The following NRG1 variants were observed in gnomAD, a reference collection of about 807,000 sequenced individuals.
NRG1 encodes pro-neuregulin-1, membrane-bound isoform.
A neutral mutation model predicts 63.8 loss-of-function variants in NRG1; 18 were observed. The observed-to-expected ratio is 0.28, with a 90% CI of 0.19 to 0.42. NRG1 has a LOEUF of 0.42. Ranked by LOEUF, NRG1 falls within the 10% of genes least tolerant of loss-of-function variation. The probability of loss-of-function intolerance (pLI) is 1.00; values close to 1 mark genes in which losing one functional copy is unlikely to be tolerated. For synonymous variants in NRG1, 302 were observed against 301.3 expected (o/e 1.00, Z -0.02); for missense variants, 762 against 814.7 (o/e 0.94, Z 0.79).
At chr8:31,740,657 A>G (rs1815172095) in intron 1 of NRG1, among the ~76,000 whole-genome samples, 1 of 150,996 alleles carries the variant, frequency 6.6e-6, no homozygotes, top group South Asian at 2.1e-4. Context: ...GTGTGTATGT[A>G]CCTGTGTGAG....
At chr8:31,749,824 G>T (rs529144905) in intron 1 of NRG1, among the ~76,000 whole-genome samples, 1 of 151,350 alleles carries the variant, frequency 6.6e-6, no homozygotes, top group African/African-American at 2.4e-5. Context: ...GCAAATTAAG[G>T]CTTGTTTATA....
At chr8:31,846,020 C>A (rs1172097420) in intron 1 of NRG1, among the ~76,000 whole-genome samples, 1 of 152,012 alleles carries the variant, frequency 6.6e-6, no homozygotes, top group African/African-American at 2.4e-5. Flanking sequence ...GCAGAGAGTT[C>A]CAAAGACATC....
intron 1 of NRG1, among the ~76,000 whole-genome samples, chr8:32,462,717 C>T (rs546913043): frequency 6.0e-4 from 90 of 151,186 alleles, no homozygotes; most frequent in African/African-American, 2.1e-3. Flanking sequence ...GATTCTCCTG[C>T]CTCAGCCTGC....
At chr8:32,474,526 C>T (rs1366962404) in intron 1 of NRG1, among the ~76,000 whole-genome samples, 6 of 146,850 alleles carry the variant, frequency 4.1e-5, no homozygotes, top group Non-Finnish European at 8.9e-5. Context: ...CGGAGTCTCA[C>T]TCTGCCGCCA....
chr8:31,891,682 C>A (rs980353859), intron 1 of NRG1, among the ~76,000 whole-genome samples: 2 of 152,132 alleles, frequency 1.3e-5, no homozygotes, highest in African/African-American at 4.8e-5. Flanking sequence ...GAAACCTGTA[C>A]GCTAATGTTG....
intron 1 of NRG1, among the ~76,000 whole-genome samples, chr8:32,362,083 T>C (rs1297970158): frequency 6.6e-6 from 1 of 152,182 alleles, no homozygotes; most frequent in East Asian, 1.9e-4. Flanking sequence ...CCAGCCTAGT[T>C]TAGATGGAAT....
intron 1 of NRG1, among the ~76,000 whole-genome samples, chr8:31,670,501 G>A (rs904609935): frequency 2.0e-5 from 3 of 151,914 alleles, no homozygotes; most frequent in Non-Finnish European, 2.9e-5. Context: ...GATACCGAAA[G>A]GTGGTAAACA....
chr8:32,436,382 C>T (rs1448033356), intron 1 of NRG1, among the ~76,000 whole-genome samples: 1 of 152,170 alleles, frequency 6.6e-6, no homozygotes, highest in African/African-American at 2.4e-5. Context: ...CAAACCATAT[C>T]AGAGTGTATA....
chr8:32,632,195 T>G (rs1850436745), intron 5 of NRG1, among the ~76,000 whole-genome samples: 1 of 152,164 alleles, frequency 6.6e-6, no homozygotes, highest in South Asian at 2.1e-4. Context: ...TAAGCCACGT[T>G]AATATAAAAT....
intron 1 of NRG1, among the ~76,000 whole-genome samples, chr8:32,069,876 C>G (rs766639442): frequency 6.6e-6 from 1 of 152,164 alleles, no homozygotes; most frequent in Non-Finnish European, 1.5e-5. Flanking sequence ...TTCTGTGATG[C>G]CTTCCAAGTC....
At chr8:31,797,999 G>A (rs962090624) in intron 1 of NRG1, among the ~76,000 whole-genome samples, 12 of 152,112 alleles carry the variant, frequency 7.9e-5, no homozygotes, top group Admixed American at 6.6e-4. Context: ...CATAGTAGTA[G>A]AGAGTAGAAT....
intron 1 of NRG1, among the ~76,000 whole-genome samples, chr8:32,011,921 A>T (rs977581080): frequency 3.3e-5 from 5 of 152,142 alleles, no homozygotes; most frequent in African/African-American, 1.2e-4. Flanking sequence ...GGCAGCTAGA[A>T]TCGCCACCTG....
At chr8:31,734,077 A>G (rs993025616) in intron 1 of NRG1, among the ~76,000 whole-genome samples, 11 of 152,140 alleles carry the variant, frequency 7.2e-5, no homozygotes, top group African/African-American at 2.4e-4. Context: ...GCAGTGGCTC[A>G]TGCATGTAAT....
intron 1 of NRG1, among the ~76,000 whole-genome samples, chr8:31,798,115 G>C (rs1331364381): frequency 2.6e-5 from 4 of 152,080 alleles, no homozygotes; most frequent in African/African-American, 9.7e-5. Context: ...TTATAGCTGG[G>C]CAAGAAGAAT....
intron 1 of NRG1, among the ~76,000 whole-genome samples, chr8:32,464,436 C>T (rs1822800515): frequency 6.6e-6 from 1 of 151,970 alleles, no homozygotes; most frequent in South Asian, 2.1e-4. Flanking sequence ...CAGCACTACC[C>T]CAACTCTAAT....
chr8:32,088,101 G>A (rs543331880), intron 1 of NRG1, among the ~76,000 whole-genome samples: 2 of 152,148 alleles, frequency 1.3e-5, no homozygotes, highest in South Asian at 4.1e-4. Context: ...TCAAGGCAGA[G>A]TTCAATCGTA....
chr8:32,203,933 A>G lies in NRG1; in HGVS notation c.38-391895A>G, dbSNP rs117378690. On this transcript the variant is annotated intron_variant, in intron 1 of 10. Transcript: ENST00000519301. ...AGAGAAAAATTCAAAGGAAAGAGGA[A>G]TAGGATATATTGAGATACAAAAAGT... is the stretch of plus-strand genomic sequence containing the variant. Among the ~76,000 whole-genome samples the G allele has an allele frequency of 2.0e-5, 3 of 152,276 alleles. No individual in the cohort carries two copies. In the East Asian group the frequency reaches 5.8e-4, roughly 29 times the overall value.
At chr8:31,833,866 A>G (rs1937023243) in intron 1 of NRG1, among the ~76,000 whole-genome samples, 1 of 152,178 alleles carries the variant, frequency 6.6e-6, no homozygotes, top group African/African-American at 2.4e-5. Flanking sequence ...AAATTTTAAC[A>G]GAAGTTTTTC....
intron 1 of NRG1, among the ~76,000 whole-genome samples, chr8:32,260,424 C>T (rs1041926729): frequency 2.0e-5 from 3 of 152,180 alleles, no homozygotes; most frequent in African/African-American, 7.2e-5. Context: ...CACCCTTCAC[C>T]TCCACATGGG....
Sources: gnomAD v4.1 joint callset for allele counts (sites outside exome capture counted in the v4.1 genomes callset) on GRCh38, gnomAD v4.1.1 for gene constraint, MANE v1.5 for transcripts, NCBI Gene and HGNC (gene_info 2026-07-23, HGNC 2026-07-21) for gene names.